The following ARID5B variants were observed in gnomAD, a reference collection of about 807,000 sequenced individuals.
ARID5B encodes the protein AT-rich interaction domain 5B.
Under a neutral mutation model 97.2 loss-of-function variants are expected in ARID5B, and 13 were observed. The observed-to-expected ratio is 0.13, with a 90% CI of 0.09 to 0.21. ARID5B has a LOEUF of 0.21. Ranked by LOEUF, ARID5B falls within the 10% of genes least tolerant of loss-of-function variation. The probability of loss-of-function intolerance (pLI) is 1.00; values close to 1 mark genes in which losing one functional copy is unlikely to be tolerated. For missense variants in ARID5B, 1,210 were observed against 1,465.3 expected (o/e 0.83, Z 2.84); for synonymous variants, 556 against 570.3 (o/e 0.97, Z 0.36).
chr10:62,092,971 C>A lies in ARID5B; in HGVS notation c.3508C>A (p.Pro1170Thr), dbSNP rs149557934. ...CATTTACCCTTTAGCTGCTATAAAT[C>A]CTCAAGCTGCCTTTCCATCTTCCCA... ...NSIYPLAAIN[P>T]QAAFPSSQLS... The change falls in exon 10 of 10, where the codon CCT (proline) becomes ACT (threonine). Residue 1170 changes from proline to threonine, a missense_variant. This residue lies in a region of ARID5B where 54 missense variants were observed against 67.4 expected (regional missense o/e 0.80). Coordinates refer to ENST00000279873, the MANE Select transcript of ARID5B (RefSeq NM_032199.3). 18 of 1,613,836 alleles carry A rather than the reference C, an allele frequency of 1.1e-5. No individual in the cohort carries two copies. The highest frequency in any genetic ancestry group is 1.5e-5 in the Non-Finnish European group (18 of 1,180,008).
intron 8 of ARID5B, among the ~76,000 whole-genome samples, chr10:62,081,822 G>A (rs903990357): frequency 6.6e-6 from 1 of 152,170 alleles, no homozygotes; most frequent in Non-Finnish European, 1.5e-5. Flanking sequence ...TATCAGATGA[G>A]GCAGATCTAA....
At chr10:61,931,235 C>T (rs1844204915) in intron 2 of ARID5B, among the ~76,000 whole-genome samples, 1 of 152,096 alleles carries the variant, frequency 6.6e-6, no homozygotes, top group Non-Finnish European at 1.5e-5. Context: ...CTGATATTTA[C>T]TACAGTAGGA....
At chr10:62,035,680 C>T (rs576394001) in intron 4 of ARID5B, among the ~76,000 whole-genome samples, 7 of 151,624 alleles carry the variant, frequency 4.6e-5, no homozygotes, top group South Asian at 2.1e-4. Flanking sequence ...TTAGTAGGGA[C>T]GGGGTTTCAC....
chr10:61,916,825 G>A (rs1054342047), intron 2 of ARID5B, among the ~76,000 whole-genome samples: 1 of 152,116 alleles, frequency 6.6e-6, no homozygotes, highest in Admixed American at 6.5e-5. Context: ...CCATTTAAAA[G>A]CCACCTCCTC....
chr10:61,999,108 ACTGGC>A lies in ARID5B; in HGVS notation c.503-980_503-976del, dbSNP rs1305165106. 2.0e-5 allele frequency among the ~76,000 whole-genome samples: 3 copies of A among 152,188 alleles called. No individual in the cohort carries two copies. The East Asian group carries it at 5.8e-4, about 29-fold the overall frequency. ...ATTGGCCAAGGAAAGTCACAAGGCC[ACTGGC>A]CTCCAAGAGAGTGAGGCACACAGGC... On this transcript the variant is annotated intron_variant, in intron 3 of 9. Coordinates refer to ENST00000279873, the MANE Select transcript of ARID5B (RefSeq NM_032199.3).
intron 3 of ARID5B, among the ~76,000 whole-genome samples, chr10:61,995,786 T>G (rs1838987836): frequency 6.6e-6 from 1 of 152,202 alleles, no homozygotes; most frequent in African/African-American, 2.4e-5. Flanking sequence ...CCCTTTTACT[T>G]TTCACTTAGA....
At chr10:61,912,687 TATACACAC>T (rs1439108592) in intron 2 of ARID5B, among the ~76,000 whole-genome samples, 9 of 148,782 alleles carry the variant, frequency 6.0e-5, no homozygotes, top group Non-Finnish European at 1.2e-4. Context: ...TATATATATG[TATACACAC>T]ATACACACAC....
At chr10:62,027,485 A>T (rs1240544870) in intron 4 of ARID5B, among the ~76,000 whole-genome samples, 1 of 147,694 alleles carries the variant, frequency 6.8e-6, no homozygotes, top group Non-Finnish European at 1.5e-5. Context: ...ATTTTTTTGT[A>T]TTTTTTTGTA....
At chr10:61,985,873 C>T (rs1009238905) in intron 3 of ARID5B, among the ~76,000 whole-genome samples, 7 of 151,944 alleles carry the variant, frequency 4.6e-5, no homozygotes, top group Admixed American at 3.3e-4. Context: ...ATTGTGCTGG[C>T]GAGGTGTGTT....
intron 3 of ARID5B, among the ~76,000 whole-genome samples, chr10:61,986,581 T>C (rs1327709586): frequency 6.6e-6 from 1 of 152,050 alleles, no homozygotes; most frequent in Non-Finnish European, 1.5e-5. Context: ...GAGGATTTCA[T>C]GGTAAAATAA....
rs567297640 is a variant in ARID5B at position 61,993,022 on chromosome 10, C to T, written c.503-7069C>T. Among the ~76,000 whole-genome samples, 56 of 152,142 alleles carry T rather than the reference C, an allele frequency of 3.7e-4. No homozygotes were observed. In the South Asian group the frequency reaches 0.011, roughly 31 times the overall value. On this transcript the variant is annotated intron_variant, in intron 3 of 9. Transcript: ENST00000279873. Reference sequence around the variant, plus strand: ...TTCCGGATGGAATCTTGTTCTCTTTCCCTTTTAATCAGGCATTTAATTTAT... The same window carrying T: ...TTCCGGATGGAATCTTGTTCTCTTTTCCTTTTAATCAGGCATTTAATTTAT...
At chr10:62,010,080 C>G (rs7894504) in intron 4 of ARID5B, among the ~76,000 whole-genome samples, 1 of 152,004 alleles carries the variant, frequency 6.6e-6, no homozygotes, top group African/African-American at 2.4e-5. Context: ...AGTCCTCTCA[C>G]AGACCCCCAT....
chr10:62,090,900 A>C lies in ARID5B; in HGVS notation c.1437A>C (p.Ile479=). ...AAGAAAAAGAACAAGAGACTTTAAT[A>C]AGCCAGAAAAGCATCCCTGAGCCTC... ...SEQEKEQETL[I]SQKSIPEPLP... The change falls in exon 10 of 10, where the codon ATA becomes ATC. Residue 479 remains isoleucine, a synonymous_variant. Transcript: ENST00000279873. 6.3e-7 allele frequency: 1 copy of C among 1,594,626 alleles called. No individual in the cohort carries two copies. Among genetic ancestry groups the C allele is most frequent in the Non-Finnish European group, 8.5e-7 (1 of 1,175,036 alleles).
At chr10:61,920,611 CT>C (rs1355401544) in intron 2 of ARID5B, among the ~76,000 whole-genome samples, 7 of 151,974 alleles carry the variant, frequency 4.6e-5, no homozygotes, top group Non-Finnish European at 1.0e-4. Context: ...AAAGATGACT[CT>C]TAAATGAGTA....
At chr10:62,043,095 C>A (rs758988725) in intron 4 of ARID5B, among the ~76,000 whole-genome samples, 32 of 152,114 alleles carry the variant, frequency 2.1e-4, no homozygotes, top group Non-Finnish European at 4.1e-4. Flanking sequence ...CCACTTCTTA[C>A]AAGGGGACCC....
intron 3 of ARID5B, among the ~76,000 whole-genome samples, chr10:61,943,477 C>A (rs912868233): frequency 1.3e-5 from 2 of 149,030 alleles, no homozygotes; most frequent in Non-Finnish European, 3.0e-5. Flanking sequence ...GAGGCCCCCC[C>A]CCTTTTTTTC....
rs186981068 is a variant in ARID5B at position 62,002,148 on chromosome 10, C to A, written c.733+1827C>A. Among the ~76,000 whole-genome samples the A allele has an allele frequency of 4.0e-4, 61 of 152,312 alleles. 1 individual carries two copies. The highest frequency in any genetic ancestry group is 1.2e-3 in the African/African-American group (50 of 41,562). ...TAATATGAGGAAAAAAATGTTTTAA[C>A]CTTTCTGGTTAATTTAAGAATTATT... On this transcript the variant is annotated intron_variant, in intron 4 of 9. Coordinates refer to ENST00000279873, the MANE Select transcript of ARID5B (RefSeq NM_032199.3).
chr10:62,030,383 G>A (rs1407153689), intron 4 of ARID5B, among the ~76,000 whole-genome samples: 5 of 152,084 alleles, frequency 3.3e-5, no homozygotes, highest in South Asian at 4.1e-4. Flanking sequence ...CACCTGCCTC[G>A]GCCTCCCAAA....
At chr10:61,902,072 G>A in intron 1 of ARID5B, 87 bp from the exon 2 acceptor site, 1 of 1,509,326 alleles carries the variant, frequency 6.6e-7, no homozygotes, top group Non-Finnish European at 9.1e-7. Flanking sequence ...TAAGAGAGTG[G>A]ATGTCTGTGT....
Sources: allele counts gnomAD v4.1 joint callset (sites outside exome capture counted in the v4.1 genomes callset), GRCh38; gene constraint gnomAD v4.1.1; regional missense constraint gnomAD v4.1.1; transcripts MANE v1.5; gene names NCBI Gene and HGNC (gene_info 2026-07-23, HGNC 2026-07-21).